Variants in NF1 observed in about 807,000 individuals in gnomAD.
NF1 encodes the protein neurofibromin 1.
Under a neutral mutation model 325.7 loss-of-function variants are expected in NF1, and 122 were observed. The observed-to-expected ratio is 0.37, with a 90% CI of 0.32 to 0.44. NF1 has a LOEUF of 0.44. Among genes scored for constraint, NF1 ranks in the 20% least tolerant of loss-of-function variants. The pLI is 1.00. For missense variants in NF1, 2,140 were observed against 3,415.4 expected (o/e 0.63, Z 9.31); for synonymous variants, 1,091 against 1,186.0 (o/e 0.92, Z 1.65).
chr17:31,301,469 C>T (rs781119988), intron 36 of NF1, among the ~76,000 whole-genome samples: 15 of 151,946 alleles, frequency 9.9e-5, no homozygotes, highest in Non-Finnish European at 1.5e-4. Flanking sequence ...AGTCATATAC[C>T]GGTACCACAG....
intron 34 of NF1, 62 bp downstream of exon 34, chr17:31,260,577 T>C: frequency 6.4e-7 from 1 of 1,573,300 alleles, no homozygotes; most frequent in East Asian, 2.2e-5. Context: ...TTAATACAAT[T>C]ATTGGTCATG....
chr17:31,281,311 C>T (rs1194470542), intron 36 of NF1, among the ~76,000 whole-genome samples: 1 of 152,176 alleles, frequency 6.6e-6, no homozygotes, highest in Non-Finnish European at 1.5e-5. Flanking sequence ...ATCATCAGGG[C>T]AGTTGATCCA....
rs188419733 is a variant in NF1, at chr17:31,196,333, C to A, written c.889-4089C>A. ...TATTTCTTGAGGCAATGGCTTGGTT[C>A]ATCTATTTTCAGTTTTTAAAAAAAC... is the stretch of plus-strand genomic sequence containing the variant. On this transcript the variant is annotated intron_variant, in intron 8 of 57. Coordinates refer to ENST00000358273, the MANE Select transcript of NF1 (RefSeq NM_001042492.3). 1.1e-4 allele frequency among the ~76,000 whole-genome samples: 17 copies of A among 151,890 alleles called. No homozygotes were observed. The East Asian group carries it at 3.3e-3, about 29-fold the overall frequency.
intron 37 of NF1, 22 bp from the exon 38 acceptor site, chr17:31,327,476 AC>A (rs1567612313): frequency 6.3e-7 from 1 of 1,586,442 alleles, no homozygotes; most frequent in Non-Finnish European, 8.6e-7. Flanking sequence ...TCTCCACTTC[AC>A]CCCGTCACCA....
intron 18 of NF1, 44 bp from the exon 19 acceptor site, chr17:31,227,174 G>A: frequency 6.3e-7 from 1 of 1,592,630 alleles, no homozygotes; most frequent in Non-Finnish European, 8.6e-7. Context: ...TTGGCAGGCA[G>A]GGCTCTAAGT....
chr17:31,307,627 C>G (rs1177895433), intron 36 of NF1, among the ~76,000 whole-genome samples: 1 of 152,168 alleles, frequency 6.6e-6, no homozygotes, highest in Non-Finnish European at 1.5e-5. Flanking sequence ...CTTAACCTTT[C>G]CTGTTCTCAA....
rs876658564 is a variant in NF1, at chr17:31,356,979, A to C, written c.7758A>C (p.Ser2586=). The C allele has an allele frequency of 1.4e-5, 22 of 1,613,838 alleles. No individual in the cohort carries two copies. The highest frequency in any genetic ancestry group is 1.8e-5 in the Non-Finnish European group (21 of 1,179,958). The change falls in exon 53 of 58, where the codon TCA becomes TCC. Residue 2586 remains serine, a synonymous_variant. Transcript: ENST00000358273. ...DYEMETQRIS[S]SQQHPHLRKV... is the part of the protein sequence containing the mutation. ...CTGCAGAAACTCAGAGGATTTCCTC[A>C]TCACAACAGCACCCACATTTACGTA...
chr17:31,315,982 G>A (rs945399110), intron 36 of NF1, among the ~76,000 whole-genome samples: 2 of 151,966 alleles, frequency 1.3e-5, no homozygotes, highest in Non-Finnish European at 2.9e-5. Flanking sequence ...GGCTGGTCTT[G>A]AACTCCTGAC....
chr17:31,321,470 G>A (rs190961731), intron 36 of NF1: 4 of 152,208 alleles, frequency 2.6e-5, no homozygotes, highest in African/African-American at 7.2e-5. Flanking sequence ...AAAGGCATAA[G>A]AAAAGCCGTA....
intron 1 of NF1, among the ~76,000 whole-genome samples, chr17:31,105,763 C>G (rs1912804870): frequency 6.6e-6 from 1 of 152,170 alleles, no homozygotes; most frequent in African/African-American, 2.4e-5. Context: ...ATCCTCCTGC[C>G]TTGGCCTCCC....
chr17:31,205,492 CA>C (rs1443012311), intron 11 of NF1, among the ~76,000 whole-genome samples: 10 of 151,940 alleles, frequency 6.6e-5, no homozygotes, highest in African/African-American at 2.4e-4. Context: ...AATAATATAT[CA>C]AGTAATTCAT....
At chr17:31,214,685 A>G (rs2066790406) in intron 13 of NF1, 100 bp downstream of exon 13, 2 of 1,128,248 alleles carry the variant, frequency 1.8e-6, no homozygotes, top group Non-Finnish European at 2.6e-6. Flanking sequence ...GCTCAAGAGC[A>G]CTTACTGATC....
intron 4 of NF1, 44 bp from the exon 5 acceptor site, chr17:31,169,847 C>T (rs959358673): frequency 2.2e-6 from 3 of 1,377,054 alleles, no homozygotes; most frequent in African/African-American, 1.4e-5. Flanking sequence ...CACCTGTCCC[C>T]TAATACTTAA....
chr17:31,245,682 G>C (rs2067377333), intron 29 of NF1, among the ~76,000 whole-genome samples: 1 of 152,208 alleles, frequency 6.6e-6, no homozygotes, highest in Non-Finnish European at 1.5e-5. Flanking sequence ...CATGTGGGAA[G>C]GGGCTTGCAG....
At chr17:31,209,074 TCAG>T (rs1213653718) in intron 12 of NF1, among the ~76,000 whole-genome samples, 1 of 152,192 alleles carries the variant, frequency 6.6e-6, no homozygotes, top group Admixed American at 6.5e-5. Context: ...TGTGGGATAT[TCAG>T]CAGCATCTCT....
At chr17:31,342,667 CG>C (rs1267687976) in intron 47 of NF1, among the ~76,000 whole-genome samples, 1 of 151,898 alleles carries the variant, frequency 6.6e-6, no homozygotes, top group East Asian at 1.9e-4. Context: ...AGCCCAGTAG[CG>C]GGAGCTAATA....
At chr17:31,146,970 G>T (rs1225554774) in intron 1 of NF1, among the ~76,000 whole-genome samples, 2 of 152,224 alleles carry the variant, frequency 1.3e-5, no homozygotes, top group African/African-American at 4.8e-5. Flanking sequence ...AGGAGGAACT[G>T]GGTAGCACCT....
rs1555536338 is a variant in NF1, at chr17:31,352,264, A to G, written c.7465A>G (p.Lys2489Glu). ...HHGDPSYRTL[K>E]ETQPWSSPKG... ...ATTGTTTTCATCTTTCAGGACACTA[A>G]AGGAGACTCAGCCATGGTCCTCTCC... Residue 2489 changes from lysine to glutamate, a missense_variant, in exon 51 of 58, where the codon AAG becomes GAG. Around this residue, in one of 10 missense-constraint regions of NF1, gnomAD observed 522 missense variants for 749.0 expected, o/e 0.70. Transcript: ENST00000358273. 6.2e-7 allele frequency: 1 copy of G among 1,613,974 alleles called. No homozygotes were observed. The highest frequency in any genetic ancestry group is 2.2e-5 in the East Asian group (1 of 44,872).
intron 1 of NF1, among the ~76,000 whole-genome samples, chr17:31,105,344 ATTAC>A (rs1912763532): frequency 6.6e-6 from 1 of 152,214 alleles, no homozygotes; most frequent in East Asian, 1.9e-4. Context: ...AATGGTACTA[ATTAC>A]TTTGCAGTAG....
Sources: allele counts gnomAD v4.1 joint callset (sites outside exome capture counted in the v4.1 genomes callset), GRCh38; gene constraint gnomAD v4.1.1; regional missense constraint gnomAD v4.1.1; transcripts MANE v1.5; gene names NCBI Gene and HGNC (gene_info 2026-07-23, HGNC 2026-07-21).